Variants in CNTNAP2 observed in about 807,000 individuals in gnomAD.
CNTNAP2 encodes the protein contactin associated protein 2.
Under a neutral mutation model 155.2 loss-of-function variants are expected in CNTNAP2, and 98 were observed. The observed-to-expected ratio is 0.63, with a 90% confidence interval of 0.54 to 0.75. The LOEUF (loss-of-function observed/expected upper bound fraction) is 0.75. Ranked by LOEUF, CNTNAP2 falls within the 30% of genes least tolerant of loss-of-function variation. The pLI is 0.00. For synonymous variants in CNTNAP2, 651 were observed against 631.2 expected, an observed-to-expected ratio of 1.03 and a Z score of -0.47; for missense variants, 1,727 against 1,688.1, an observed-to-expected ratio of 1.02 and a Z score of -0.40.
chr7:146,243,194 A>G (rs1023744743), intron 1 of CNTNAP2, among the ~76,000 whole-genome samples: 4 of 152,148 alleles, frequency 2.6e-5, no homozygotes, highest in African/African-American at 9.7e-5. Flanking sequence ...GGCGATCAAA[A>G]TTGATTCTCA....
chr7:146,804,545 A>T (rs1802934720), intron 2 of CNTNAP2, among the ~76,000 whole-genome samples: 1 of 152,228 alleles, frequency 6.6e-6, no homozygotes, highest in African/African-American at 2.4e-5. Flanking sequence ...TGCTATAAAT[A>T]TTCAAAGTAT....
At chr7:147,289,800 AAG>A (rs1805261268) in intron 8 of CNTNAP2, among the ~76,000 whole-genome samples, 1 of 152,194 alleles carries the variant, frequency 6.6e-6, no homozygotes, top group African/African-American at 2.4e-5. Context: ...TCAACATTTT[AAG>A]AGTCTAATTG....
intron 1 of CNTNAP2, among the ~76,000 whole-genome samples, chr7:146,195,773 C>T (rs1162676898): frequency 6.6e-6 from 1 of 152,228 alleles, no homozygotes; most frequent in East Asian, 1.9e-4. Context: ...GGCACAACCT[C>T]CTGAAGCCTT....
chr7:146,293,893 C>T (rs1399974648), intron 1 of CNTNAP2, among the ~76,000 whole-genome samples: 2 of 151,844 alleles, frequency 1.3e-5, no homozygotes, highest in African/African-American at 4.8e-5. Context: ...TTAATAAAGC[C>T]TTTTCTCTAC....
chr7:147,531,677 T>C (rs1279772925), intron 11 of CNTNAP2, among the ~76,000 whole-genome samples: 3 of 152,310 alleles, frequency 2.0e-5, no homozygotes, highest in Middle Eastern at 3.4e-3. Flanking sequence ...GAGGGGCTGC[T>C]GTGAAGGTCT....
intron 3 of CNTNAP2, among the ~76,000 whole-genome samples, chr7:146,981,873 G>A (rs150979691): frequency 2.7e-3 from 416 of 152,154 alleles, no homozygotes; most frequent in African/African-American, 8.9e-3. Context: ...GAAAAGGGCC[G>A]GACAGTGAAT....
At chr7:146,894,228 C>G (rs779037011) in intron 3 of CNTNAP2, among the ~76,000 whole-genome samples, 1 of 152,152 alleles carries the variant, frequency 6.6e-6, no homozygotes, top group Non-Finnish European at 1.5e-5. Context: ...TCCTATGTTT[C>G]CAATGACATA....
intron 17 of CNTNAP2, among the ~76,000 whole-genome samples, chr7:148,150,497 G>A (rs538866811): frequency 1.4e-4 from 22 of 152,068 alleles, no homozygotes; most frequent in African/African-American, 4.8e-5. Context: ...GCAGTGAGCC[G>A]AGATCGCGCC....
At chr7:146,163,466 T>C (rs1798256509) in intron 1 of CNTNAP2, among the ~76,000 whole-genome samples, 1 of 147,084 alleles carries the variant, frequency 6.8e-6, no homozygotes, top group African/African-American at 2.5e-5. Flanking sequence ...TATCACATTA[T>C]ATATATCTAT....
chr7:146,484,636 A>G (rs1274049491), intron 1 of CNTNAP2, among the ~76,000 whole-genome samples: 1 of 152,162 alleles, frequency 6.6e-6, no homozygotes, highest in Admixed American at 6.5e-5. Context: ...ATCAGAAAGA[A>G]AGAAAAGAAA....
intron 1 of CNTNAP2, among the ~76,000 whole-genome samples, chr7:146,752,534 G>T (rs551631674): frequency 3.8e-4 from 58 of 152,034 alleles, no homozygotes; most frequent in Non-Finnish European, 7.4e-5. Context: ...TGTCAGATGG[G>T]TAGATTGCAA....
chr7:146,720,510 C>G (rs1316788267), intron 1 of CNTNAP2, among the ~76,000 whole-genome samples: 3 of 152,132 alleles, frequency 2.0e-5, no homozygotes, highest in Middle Eastern at 3.4e-3. Flanking sequence ...AAAAATTGAG[C>G]TCTGTATATA....
intron 1 of CNTNAP2, among the ~76,000 whole-genome samples, chr7:146,298,726 G>A (rs1800555097): frequency 6.6e-6 from 1 of 152,230 alleles, no homozygotes; most frequent in Admixed American, 6.5e-5. Context: ...ACTGGAGAAA[G>A]TAGATTACAG....
chr7:148,233,427 A>C lies in CNTNAP2; in HGVS notation c.3381+3648A>C, dbSNP rs755475594. 1.2e-4 allele frequency among the ~76,000 whole-genome samples: 19 copies of C among 152,238 alleles called. No homozygotes were observed. In the South Asian group the frequency reaches 2.1e-3, roughly 17 times the overall value. On this transcript the variant is annotated intron_variant, in intron 20 of 23. Transcript: ENST00000361727. Reference sequence around the variant, plus strand: ...GAAAATAGAACATGATTATCAGGTCACAAGGTCTTACCACTTGGATAAATT... The same window carrying C: ...GAAAATAGAACATGATTATCAGGTCCCAAGGTCTTACCACTTGGATAAATT...
intron 1 of CNTNAP2, among the ~76,000 whole-genome samples, chr7:146,279,837 A>G (rs1429254921): frequency 1.3e-5 from 2 of 151,872 alleles, no homozygotes; most frequent in Non-Finnish European, 2.9e-5. Context: ...GGAATCAATC[A>G]ATAATTATAA....
At chr7:148,253,073 A>ATAGATAGATAGATAGT in intron 20 of CNTNAP2, among the ~76,000 whole-genome samples, 35 of 152,156 alleles carry the variant, frequency 2.3e-4, no homozygotes, top group African/African-American at 8.0e-4. Context: ...AGATAGATAG[A>ATAGATAGATAGATAGT]TATTGATTGA....
At chr7:147,341,924 A>G (rs897813927) in intron 9 of CNTNAP2, among the ~76,000 whole-genome samples, 1 of 152,212 alleles carries the variant, frequency 6.6e-6, no homozygotes, top group East Asian at 1.9e-4. Flanking sequence ...GTTGCTATAC[A>G]TTGCCATAGA....
chr7:147,327,019 C>A (rs1204033144), intron 9 of CNTNAP2, among the ~76,000 whole-genome samples: 1 of 152,136 alleles, frequency 6.6e-6, no homozygotes, highest in Non-Finnish European at 1.5e-5. Context: ...CAAATGAGTA[C>A]ATCTTAGAAT....
chr7:147,352,469 T>C (rs1329259874), intron 9 of CNTNAP2, among the ~76,000 whole-genome samples: 1 of 152,016 alleles, frequency 6.6e-6, no homozygotes, highest in Non-Finnish European at 1.5e-5. Flanking sequence ...CAATAAAAGT[T>C]GTCCCATTTC....
Sources: allele counts gnomAD v4.1 joint callset (sites outside exome capture counted in the v4.1 genomes callset), GRCh38; gene constraint gnomAD v4.1.1; transcripts MANE v1.5; gene names NCBI Gene and HGNC (gene_info 2026-07-23, HGNC 2026-07-21).